Variants in PLAAT1 observed in about 807,000 individuals in gnomAD.
The protein encoded by PLAAT1 is H-REV107 protein-related protein.
PLAAT1 carries 13 observed loss-of-function variants against 16.4 expected under a neutral mutation model. That is an observed-to-expected ratio of 0.79 (90% CI 0.52 to 1.26). The LOEUF (loss-of-function observed/expected upper bound fraction) is 1.26. Among genes scored for constraint, PLAAT1 ranks in the 50% most tolerant of loss-of-function variants. The pLI, the probability that PLAAT1 is intolerant of heterozygous loss-of-function variation, is 0.00. For synonymous variants in PLAAT1, 73 were observed against 78.4 expected (o/e 0.93, Z 0.36); for missense variants, 218 against 207.8 (o/e 1.05, Z -0.30).
downstream of PLAAT1, chr3:193,274,647 C>A (rs1225813477): frequency 5.5e-6 from 1 of 180,342 alleles, no homozygotes; most frequent in Non-Finnish European, 1.2e-5. Context: ...ATGTTCTTCA[C>A]AAAGATTTAA....
In PLAAT1 at chr3:193,270,659, C is replaced by G; in HGVS notation, c.461C>G (p.Ser154Ter). The G allele has an allele frequency of 6.2e-7, 1 of 1,613,650 alleles. No homozygotes were observed. Among genetic ancestry groups the G allele is most frequent in the Non-Finnish European group, 8.5e-7 (1 of 1,179,652 alleles). ...EFVTAAVGVF[S>*]FLGLFPKGQR... ...GTGACAGCTGCTGTTGGTGTCTTCT[C>G]ATTCCTGGGCTTGTTTCCAAAAGGA... Residue 154 changes from serine to a stop codon, truncating the protein, a stop_gained, in exon 4 of 4, where the codon TCA becomes TGA. Transcript: ENST00000264735. LOFTEE classifies it high-confidence loss of function.
downstream of PLAAT1, among the ~76,000 whole-genome samples, chr3:193,279,152 G>A (rs1717362975): frequency 6.6e-6 from 1 of 152,116 alleles, no homozygotes. Flanking sequence ...GGTAGGTACA[G>A]GATAAATGTA....
Position 193,262,996 on chromosome 3 carries a change from G to A in PLAAT1, c.166G>A (p.Ala56Thr), listed in dbSNP as rs200628731. ...VDGIPASFTS[A>T]KSVFSSKALV... ...TGGCATTCCTGCGTCCTTTACAAGC[G>A]CCAAGTCTGTATTCAGCAGTAAGGC... Residue 56 changes from alanine to threonine, a missense_variant, in exon 3 of 4, where the codon GCC becomes ACC. Physicochemically the swap from Ala to Thr is moderately conservative, Grantham distance 58. Transcript: ENST00000264735. The A allele has an allele frequency of 1.2e-4, 190 of 1,614,120 alleles. No individual in the cohort carries two copies. In the East Asian group the frequency reaches 1.8e-3, roughly 16 times the overall value.
chr3:193,274,490 C>A (rs900411086), downstream of PLAAT1, among the ~76,000 whole-genome samples: 1 of 152,186 alleles, frequency 6.6e-6, no homozygotes, highest in African/African-American at 2.4e-5. Context: ...TCTACCACTT[C>A]CACACAATTC....
At position 193,263,105 on chromosome 3, in the gene PLAAT1, C is replaced by A; in HGVS notation, c.275C>A (p.Pro92His). 1.2e-6 allele frequency: 2 copies of A among 1,614,178 alleles called. No homozygotes were observed. The highest frequency in any genetic ancestry group is 1.1e-5 in the South Asian group (1 of 91,078). ...INNKYDETYP[P>H]LPVEEIIKRS... is the part of the protein sequence containing the mutation. ...AATAAATACGATGAAACGTACCCCCCTCTCCCTGTGGAAGAAATCATAAAG... is the reference window on the plus strand; with the variant it reads ...AATAAATACGATGAAACGTACCCCCATCTCCCTGTGGAAGAAATCATAAAG... The change falls in exon 3 of 4, where the codon CCT becomes CAT. Residue 92 changes from proline to histidine, a missense_variant. Coordinates refer to ENST00000264735, the MANE Select transcript of PLAAT1 (RefSeq NM_020386.5).
At chr3:193,270,101 C>CAG (rs1716934713) in intron 3 of PLAAT1, among the ~76,000 whole-genome samples, 1 of 151,990 alleles carries the variant, frequency 6.6e-6, no homozygotes, top group Non-Finnish European at 1.5e-5. Context: ...CACACACACA[C>CAG]ACACTCTTAC....
intron 1 of PLAAT1, among the ~76,000 whole-genome samples, chr3:193,247,742 A>G (rs1223233865): frequency 6.6e-6 from 1 of 152,114 alleles, no homozygotes; most frequent in African/African-American, 2.4e-5. Context: ...GTTTTCCAAG[A>G]TTCCTCCTGT....
chr3:193,269,987 G>C (rs146440971), intron 3 of PLAAT1, among the ~76,000 whole-genome samples: 1 of 151,930 alleles, frequency 6.6e-6, no homozygotes, highest in East Asian at 1.9e-4. Context: ...TATCAGAAAA[G>C]AAATTGTGTC....
rs1577313611 is a variant in PLAAT1, at chr3:193,270,683, G to A, written c.485G>A (p.Gly162Glu). ...TCATTCCTGGGCTTGTTTCCAAAAG[G>A]ACAAAGAGCAAAATACTATTAACAA... Reference protein sequence around the residue: ...VFSFLGLFPKGQRAKYY With the variant: ...VFSFLGLFPKEQRAKYY Residue 162 changes from glycine to glutamate, a missense_variant, in exon 4 of 4, where the codon GGA becomes GAA. Coordinates refer to ENST00000264735, the MANE Select transcript of PLAAT1 (RefSeq NM_020386.5). 6.8e-6 allele frequency: 11 copies of A among 1,613,300 alleles called. No homozygotes were observed. In the East Asian group the frequency reaches 2.0e-4, roughly 29 times the overall value.
intron 3 of PLAAT1, among the ~76,000 whole-genome samples, chr3:193,270,254 T>C (rs962218156): frequency 6.6e-5 from 10 of 152,190 alleles, no homozygotes; most frequent in African/African-American, 1.7e-4. Context: ...AAACTACTTA[T>C]GATATCCCAA....
At chr3:193,242,434 T>C (rs541874695) in intron 1 of PLAAT1, among the ~76,000 whole-genome samples, 2 of 152,174 alleles carry the variant, frequency 1.3e-5, no homozygotes, top group South Asian at 2.1e-4. Context: ...ACTTGGATTT[T>C]TTAAGATTGA....
intron 3 of PLAAT1, among the ~76,000 whole-genome samples, chr3:193,267,683 G>A (rs936590123): frequency 6.6e-6 from 1 of 152,106 alleles, no homozygotes; most frequent in African/African-American, 2.4e-5. Context: ...CCATGTGCAG[G>A]TTTTTATGTG....
In PLAAT1 at chr3:193,263,165, A is replaced by G. The variant is rs1426110428; in HGVS notation, c.335A>G (p.Tyr112Cys). ...TTTGTAATTGGACAGGAGGTGGCCT[A>G]TAACTTACTTGTCAACAACTGTGAA... The part of the protein sequence containing the change: ...SEFVIGQEVA[Y>C]NLLVNNCEHF... The change falls in exon 3 of 4, where the codon TAT becomes TGT. Residue 112 changes from tyrosine (Y) to cysteine (C), a missense_variant. Physicochemically the swap from Tyr to Cys is radical, Grantham distance 194. Coordinates refer to ENST00000264735, the MANE Select transcript of PLAAT1 (RefSeq NM_020386.5). 1.9e-6 allele frequency: 3 copies of G among 1,614,212 alleles called. No individual in the cohort carries two copies. Among genetic ancestry groups the G allele is most frequent in the African/African-American group, 1.3e-5 (1 of 75,064 alleles).
At chr3:193,248,033 T>C (rs1044107328) in intron 1 of PLAAT1, among the ~76,000 whole-genome samples, 6 of 152,240 alleles carry the variant, frequency 3.9e-5, no homozygotes, top group African/African-American at 1.4e-4. Flanking sequence ...CATTATTGTA[T>C]TGCAGTCCAT....
downstream of PLAAT1, among the ~76,000 whole-genome samples, chr3:193,273,466 T>C (rs2108807513): frequency 6.6e-6 from 1 of 152,362 alleles, no homozygotes; most frequent in Admixed American, 6.5e-5. Context: ...ATTTATAATA[T>C]GATTTACAGT....
intron 1 of PLAAT1, among the ~76,000 whole-genome samples, chr3:193,248,252 A>G (rs1178022142): frequency 6.6e-6 from 1 of 152,054 alleles, no homozygotes; most frequent in Non-Finnish European, 1.5e-5. Context: ...ATTTGTGTGG[A>G]ATATCTTTTT....
downstream of PLAAT1, among the ~76,000 whole-genome samples, chr3:193,273,618 A>G (rs1301667329): frequency 6.6e-6 from 1 of 152,220 alleles, no homozygotes; most frequent in Non-Finnish European, 1.5e-5. Flanking sequence ...CTAATTGCCT[A>G]TGGTCTGTTA....
At chr3:193,240,718 T>C (rs2108771382), upstream of PLAAT1, among the ~76,000 whole-genome samples, 1 of 149,156 alleles carries the variant, frequency 6.7e-6, no homozygotes, top group East Asian at 2.0e-4. Context: ...CTGGCGTGTG[T>C]GTGTGTGTGG....
chr3:193,276,732 A>ATAT, intron 2 of PLAAT1: 4 of 1,543,522 alleles, frequency 2.6e-6, no homozygotes, highest in Non-Finnish European at 3.5e-6. Flanking sequence ...CCTAGAAAAA[A>ATAT]TATAGAGATT....
Sources: allele counts gnomAD v4.1 joint callset (sites outside exome capture counted in the v4.1 genomes callset), GRCh38; gene constraint gnomAD v4.1.1; transcripts MANE v1.5; gene names NCBI Gene and HGNC (gene_info 2026-07-23, HGNC 2026-07-21).